The following LRRTM4 variants were observed in gnomAD, a reference collection of about 807,000 sequenced individuals.
LRRTM4 encodes leucine rich repeat transmembrane neuronal 4.
LRRTM4 carries 25 observed loss-of-function variants against 47.6 expected under a neutral mutation model. The ratio of observed to expected loss-of-function variants is 0.53; its 90% CI spans 0.38 to 0.73. The LOEUF is 0.73. Among genes scored for constraint, LRRTM4 ranks in the 30% least tolerant of loss-of-function variants. The probability of loss-of-function intolerance (pLI) is 0.00; values close to 1 mark genes in which losing one functional copy is unlikely to be tolerated. For synonymous variants in LRRTM4, 311 were observed against 269.5 expected (o/e 1.15, Z -1.51); for missense variants, 638 against 713.4 (o/e 0.89, Z 1.20).
chr2:77,032,227 A>AAGC (rs1271825324), intron 3 of LRRTM4, among the ~76,000 whole-genome samples: 13 of 152,252 alleles, frequency 8.5e-5, no homozygotes, highest in African/African-American at 3.1e-4. Context: ...CCTTCTTCTG[A>AAGC]AGCAATTCCC....
intron 3 of LRRTM4, among the ~76,000 whole-genome samples, chr2:77,449,087 A>C (rs762579767): frequency 2.6e-5 from 4 of 152,190 alleles, no homozygotes; most frequent in Non-Finnish European, 5.9e-5. Flanking sequence ...TTAATCTTTA[A>C]GTTTATATAT....
intron 3 of LRRTM4, among the ~76,000 whole-genome samples, chr2:77,048,571 C>A (rs1053235347): frequency 5.9e-5 from 9 of 151,806 alleles, no homozygotes; most frequent in Non-Finnish European, 1.5e-5. Flanking sequence ...TTTTAAAAAT[C>A]CCTATTTTGA....
intron 3 of LRRTM4, among the ~76,000 whole-genome samples, chr2:77,309,853 G>T (rs1054384482): frequency 2.6e-5 from 4 of 152,108 alleles, no homozygotes; most frequent in Admixed American, 1.3e-4. Context: ...GGCCAACTTG[G>T]GTAATCATGA....
intron 3 of LRRTM4, among the ~76,000 whole-genome samples, chr2:76,959,870 C>G (rs147180019): frequency 6.6e-6 from 1 of 151,524 alleles, no homozygotes; most frequent in Non-Finnish European, 1.5e-5. Context: ...AAACTCCAAC[C>G]CTTATTTGGT....
chr2:77,285,556 A>C (rs1035267893), intron 3 of LRRTM4, among the ~76,000 whole-genome samples: 49 of 151,802 alleles, frequency 3.2e-4, no homozygotes, highest in African/African-American at 1.2e-3. Flanking sequence ...AGTTTGGCCA[A>C]CGTGGTGAAA....
chr2:76,913,669 A>AGCT (rs1298712804), intron 3 of LRRTM4, among the ~76,000 whole-genome samples: 2 of 151,312 alleles, frequency 1.3e-5, no homozygotes, highest in Non-Finnish European at 2.9e-5. Flanking sequence ...CCTCCCGAGT[A>AGCT]GCTGGGACTG....
intron 3 of LRRTM4, among the ~76,000 whole-genome samples, chr2:76,955,055 G>A (rs1247769127): frequency 1.3e-5 from 2 of 151,762 alleles, no homozygotes; most frequent in Non-Finnish European, 2.9e-5. Context: ...ATCACCATTA[G>A]ACCTGCCTTC....
intron 3 of LRRTM4, among the ~76,000 whole-genome samples, chr2:77,049,226 A>C (rs1477074039): frequency 6.8e-6 from 1 of 146,240 alleles, no homozygotes; most frequent in Non-Finnish European, 1.5e-5. Context: ...TTCATTCCTT[A>C]TCTCTGCTAT....
intron 3 of LRRTM4, among the ~76,000 whole-genome samples, chr2:76,863,787 G>T (rs947231100): frequency 3.3e-5 from 5 of 152,136 alleles, no homozygotes; most frequent in African/African-American, 9.7e-5. Context: ...TTACCAGTTT[G>T]ATTTTTAACA....
chr2:77,504,884 T>C (rs1458992270), intron 3 of LRRTM4, among the ~76,000 whole-genome samples: 1 of 151,410 alleles, frequency 6.6e-6, no homozygotes, highest in Non-Finnish European at 1.5e-5. Context: ...TTCAAAGACA[T>C]AAAAGAAAAA....
intron 3 of LRRTM4, among the ~76,000 whole-genome samples, chr2:77,131,889 T>C (rs1316367623): frequency 6.6e-6 from 1 of 152,226 alleles, no homozygotes; most frequent in Non-Finnish European, 1.5e-5. Flanking sequence ...CACATAATAC[T>C]TGTACATATT....
chr2:77,182,412 T>TGG (rs1422547283), intron 3 of LRRTM4, among the ~76,000 whole-genome samples: 2 of 151,914 alleles, frequency 1.3e-5, no homozygotes, highest in African/African-American at 2.4e-5. Context: ...CAACACACAC[T>TGG]GGGGCCTGTT....
At chr2:77,242,524 T>C (rs1007597376) in intron 3 of LRRTM4, among the ~76,000 whole-genome samples, 7 of 152,004 alleles carry the variant, frequency 4.6e-5, no homozygotes, top group Non-Finnish European at 8.8e-5. Context: ...GACATTTCTC[T>C]AAAATACATA....
At chr2:77,514,618 G>C (rs973315215) in intron 3 of LRRTM4, among the ~76,000 whole-genome samples, 5 of 151,890 alleles carry the variant, frequency 3.3e-5, no homozygotes, top group Non-Finnish European at 7.4e-5. Flanking sequence ...TAGCACTATA[G>C]GATCATTAAA....
At chr2:77,170,577 G>A (rs968334017) in intron 3 of LRRTM4, among the ~76,000 whole-genome samples, 1 of 152,112 alleles carries the variant, frequency 6.6e-6, no homozygotes, top group South Asian at 2.1e-4. Flanking sequence ...TATGTTTGTA[G>A]TAACTTGTTT....
At chr2:77,113,699 A>G (rs546803648) in intron 3 of LRRTM4, among the ~76,000 whole-genome samples, 2 of 152,124 alleles carry the variant, frequency 1.3e-5, no homozygotes, top group South Asian at 4.2e-4. Context: ...CCATGTGTGA[A>G]GAAGGGTACA....
At chr2:77,073,755 G>GTCTC (rs557369367) in intron 3 of LRRTM4, among the ~76,000 whole-genome samples, 2 of 150,332 alleles carry the variant, frequency 1.3e-5, no homozygotes, top group South Asian at 2.1e-4. Context: ...GTTTTTTTCT[G>GTCTC]TCTCTCTCTC....
chr2:76,799,920 G>C lies in LRRTM4; in HGVS notation c.1552-51004C>G, dbSNP rs1370782237. On this transcript the variant is annotated intron_variant, in intron 3 of 3. Coordinates refer to ENST00000409884, the MANE Select transcript of LRRTM4 (RefSeq NM_001134745.3). ...GGGATGAGAAGGACCTCTTCAAGGA[G>C]AACTACAAACCACTGCTCAAGGAAA... 6.6e-5 allele frequency among the ~76,000 whole-genome samples: 10 copies of C among 150,850 alleles called. No homozygotes were observed. In the East Asian group the frequency reaches 2.0e-3, roughly 29 times the overall value.
chr2:77,017,201 T>C (rs13017552), intron 3 of LRRTM4, among the ~76,000 whole-genome samples: 1 of 152,118 alleles, frequency 6.6e-6, no homozygotes, highest in Non-Finnish European at 1.5e-5. Context: ...ATATCCAAGG[T>C]GGCAAAGACA....
Sources: allele counts gnomAD v4.1 joint callset (sites outside exome capture counted in the v4.1 genomes callset), GRCh38; gene constraint gnomAD v4.1.1; transcripts MANE v1.5; gene names NCBI Gene and HGNC (gene_info 2026-07-23, HGNC 2026-07-21).